Variants in UNC80 observed in about 807,000 individuals in gnomAD.
UNC80 encodes the protein unc-80 subunit of NALCN channel complex, also known as protein unc-80 homolog.
UNC80 carries 164 observed loss-of-function variants against 384.6 expected under a neutral mutation model. That is an observed-to-expected ratio of 0.43 (90% CI 0.38 to 0.49). The LOEUF (loss-of-function observed/expected upper bound fraction) is 0.49. UNC80 is among the 20% of genes least tolerant of loss of function. UNC80 has a pLI of 0.00. For synonymous variants in UNC80, 1,486 were observed against 1,527.8 expected, an observed-to-expected ratio of 0.97 and a Z score of 0.64; for missense variants, 3,330 against 4,143.0, an observed-to-expected ratio of 0.80 and a Z score of 5.39.
chr2:209,873,067 G>A, intron 23 of UNC80, 97 bp downstream of exon 23: 1 of 1,185,444 alleles, frequency 8.4e-7, no homozygotes, highest in Non-Finnish European at 1.2e-6. Context: ...AATTTATTGA[G>A]TGTTTGTTAT....
intron 22 of UNC80, among the ~76,000 whole-genome samples, chr2:209,853,046 T>G (rs774872895): frequency 6.6e-6 from 1 of 152,074 alleles, no homozygotes; most frequent in East Asian, 1.9e-4. Flanking sequence ...TAGATAGATA[T>G]ACATATACAG....
At chr2:209,876,438 G>A (rs1269832356) in intron 23 of UNC80, among the ~76,000 whole-genome samples, 2 of 152,108 alleles carry the variant, frequency 1.3e-5, no homozygotes, top group African/African-American at 2.4e-5. Flanking sequence ...CATTTTTCTA[G>A]CTTTGGGTGA....
At chr2:209,789,660 G>A (rs2077669791) in intron 6 of UNC80, 55 bp downstream of exon 6, 1 of 1,262,770 alleles carries the variant, frequency 7.9e-7, no homozygotes, top group Non-Finnish European at 1.2e-6. Context: ...TGGACATAGT[G>A]TAGTGTGAAG....
chr2:209,899,508 C>T (rs764582740), intron 28 of UNC80, among the ~76,000 whole-genome samples: 4 of 152,080 alleles, frequency 2.6e-5, no homozygotes, highest in Non-Finnish European at 4.4e-5. Context: ...AAAAAAGCAC[C>T]GGGGCTCTAG....
chr2:209,806,207 CATA>C (rs1312864868), intron 7 of UNC80, among the ~76,000 whole-genome samples: 1 of 152,086 alleles, frequency 6.6e-6, no homozygotes, highest in African/African-American at 2.4e-5. Flanking sequence ...CTTTCTCATC[CATA>C]ATAAGCATAG....
At chr2:209,991,560 C>CT in intron 61 of UNC80, among the ~76,000 whole-genome samples, 1 of 152,214 alleles carries the variant, frequency 6.6e-6, no homozygotes, top group South Asian at 2.1e-4. Flanking sequence ...GTAATGATAG[C>CT]TTAACTATAG....
intron 17 of UNC80, 128 bp downstream of exon 17, chr2:209,834,296 TG>T (rs2081196545): frequency 3.4e-5 from 34 of 986,830 alleles, no homozygotes; most frequent in South Asian, 3.0e-4. Context: ...CTTGCGTAAG[TG>T]GTTTCACTGG....
intron 23 of UNC80, 115 bp from the exon 24 acceptor site, chr2:209,877,839 G>A: frequency 1.7e-6 from 2 of 1,208,980 alleles, no homozygotes; most frequent in African/African-American, 1.6e-5. Flanking sequence ...TACAGAAGAG[G>A]CTTATGCTGG....
chr2:209,911,607 CTA>C (rs911047217), intron 29 of UNC80, among the ~76,000 whole-genome samples: 16 of 152,340 alleles, frequency 1.1e-4, no homozygotes, highest in African/African-American at 2.9e-4. Flanking sequence ...ATCCATAACA[CTA>C]TGAAGCTCTG....
At chr2:209,854,328 T>C (rs187879901) in intron 22 of UNC80, among the ~76,000 whole-genome samples, 33 of 151,972 alleles carry the variant, frequency 2.2e-4, no homozygotes, top group Non-Finnish European at 3.4e-4. Context: ...AAATGTAGCA[T>C]AAAAAAATGC....
intron 61 of UNC80, among the ~76,000 whole-genome samples, chr2:209,985,416 C>T (rs2093266631): frequency 6.6e-6 from 1 of 152,120 alleles, no homozygotes; most frequent in Non-Finnish European, 1.5e-5. Flanking sequence ...TACTATAATT[C>T]CTTCTCTTTG....
chr2:209,831,698 C>CT, intron 16 of UNC80, 107 bp downstream of exon 16: 3 of 1,263,272 alleles, frequency 2.4e-6, no homozygotes, highest in Non-Finnish European at 3.1e-6. Flanking sequence ...AAAGTCTACA[C>CT]TTTAAAGTTT....
At position 209,995,665 on chromosome 2, in the gene UNC80, C is replaced by A. The variant is rs2093473458; in HGVS notation, c.*70C>A. 6.8e-7 allele frequency: 1 copy of A among 1,481,478 alleles called. No individual in the cohort carries two copies. Among genetic ancestry groups the A allele is most frequent in the Non-Finnish European group, 9.0e-7 (1 of 1,108,132 alleles). 91.8% of individuals were successfully genotyped at this position (1,481,478 alleles called of 1,614,324 possible). A position where few individuals can be genotyped will look rare whatever the true frequency, so the allele number is the denominator to read the frequency against. On this transcript the variant is annotated 3_prime_UTR_variant, in exon 65 of 65. Coordinates refer to ENST00000673920, the MANE Select transcript of UNC80 (RefSeq NM_001371986.1). ...TGATCTCTCTACTACAAGTTCAATA[C>A]TTTTGCTTGAAAAAGATTAATTACA...
intron 30 of UNC80, among the ~76,000 whole-genome samples, chr2:209,913,274 A>G (rs559079179): frequency 1.3e-5 from 2 of 152,192 alleles, no homozygotes; most frequent in Non-Finnish European, 2.9e-5. Context: ...TCTAGAACCT[A>G]TATTTGTCAC....
chr2:209,992,833 A>T (rs576537034), intron 62 of UNC80, among the ~76,000 whole-genome samples: 16 of 152,344 alleles, frequency 1.1e-4, no homozygotes, highest in Admixed American at 2.0e-4. Context: ...AGATTTCCTT[A>T]GGTGGAGTTC....
At chr2:209,961,717 C>T (rs913731998) in intron 51 of UNC80, among the ~76,000 whole-genome samples, 2 of 152,060 alleles carry the variant, frequency 1.3e-5, no homozygotes, top group East Asian at 1.9e-4. Flanking sequence ...AACAGTTGCT[C>T]GGTGAAACAA....
chr2:209,776,147 G>A, intron 3 of UNC80, 102 bp downstream of exon 3: 3 of 1,393,744 alleles, frequency 2.2e-6, no homozygotes, highest in East Asian at 2.3e-5. Context: ...CTCAAGCACT[G>A]TGCATATATT....
At chr2:209,843,928 G>A (rs1232677292) in intron 21 of UNC80, among the ~76,000 whole-genome samples, 1 of 152,082 alleles carries the variant, frequency 6.6e-6, no homozygotes, top group Non-Finnish European at 1.5e-5. Context: ...ACATGACTTA[G>A]TTCAGCATAA....
At position 209,881,070 on chromosome 2, in the gene UNC80, C is replaced by T. The variant is rs1468773650; in HGVS notation, c.4086C>T (p.Pro1362=). 3.2e-6 allele frequency: 5 copies of T among 1,551,536 alleles called. No individual in the cohort carries two copies. Among genetic ancestry groups the T allele is most frequent in the Non-Finnish European group, 4.4e-6 (5 of 1,147,002 alleles). Residue 1362 remains proline (P), a synonymous_variant, in exon 25 of 65, where the codon CCC becomes CCT. Transcript: ENST00000673920. ...TFLRETFSCL[P]RPRTEPLVDL... is the part of the protein sequence containing the mutation. ...TGCGAGAGACCTTTTCTTGCCTGCC[C>T]AGACCTCGCACTGAGCCTCTGGTGG...
Sources: allele counts gnomAD v4.1 joint callset (sites outside exome capture counted in the v4.1 genomes callset), GRCh38; gene constraint gnomAD v4.1.1; transcripts MANE v1.5; gene names NCBI Gene and HGNC (gene_info 2026-07-23, HGNC 2026-07-21).